VTI1A: variants seen among roughly 807,000 people sequenced by gnomAD.
VTI1A encodes the protein vesicle transport through interaction with t-SNAREs 1A.
VTI1A carries 22 observed loss-of-function variants against 34.9 expected under a neutral mutation model. The observed-to-expected ratio is 0.63, with a 90% CI of 0.45 to 0.90. VTI1A has a LOEUF of 0.90. VTI1A is among the 40% of genes least tolerant of loss of function. VTI1A has a pLI of 0.00. For synonymous variants in VTI1A, 87 were observed against 97.3 expected (o/e 0.89, Z 0.62); for missense variants, 268 against 275.6 (o/e 0.97, Z 0.20).
chr10:112,786,339 G>T (rs192941005), intron 7 of VTI1A, among the ~76,000 whole-genome samples: 3 of 152,044 alleles, frequency 2.0e-5, no homozygotes, highest in East Asian at 1.9e-4. Flanking sequence ...GTATTTTGTC[G>T]ATCTCTTAGG....
chr10:112,776,288 G>C (rs985776996), intron 7 of VTI1A, among the ~76,000 whole-genome samples: 3 of 152,190 alleles, frequency 2.0e-5, no homozygotes, highest in Non-Finnish European at 4.4e-5. Flanking sequence ...TGGAGAATTG[G>C]GGTGGGGTAC....
intron 7 of VTI1A, among the ~76,000 whole-genome samples, chr10:112,746,240 A>G (rs989689291): frequency 1.3e-5 from 2 of 152,226 alleles, no homozygotes; most frequent in Non-Finnish European, 2.9e-5. Flanking sequence ...TTTAGAAACC[A>G]TGTTGCTCCT....
the VTI1A span, among the ~76,000 whole-genome samples, chr10:112,841,181 C>T: frequency 1.3e-5 from 2 of 152,258 alleles, no homozygotes; most frequent in South Asian, 4.1e-4. Context: ...AAAGACACTG[C>T]GGGACTCCTG....
At chr10:112,492,903 G>A (rs775575269) in intron 3 of VTI1A, among the ~76,000 whole-genome samples, 4 of 152,056 alleles carry the variant, frequency 2.6e-5, no homozygotes, top group South Asian at 2.1e-4. Context: ...AACCGTAATC[G>A]AGTTTTATGA....
intron 7 of VTI1A, among the ~76,000 whole-genome samples, chr10:112,704,842 G>A (rs993389684): frequency 3.3e-5 from 5 of 151,866 alleles, no homozygotes; most frequent in Admixed American, 6.6e-5. Context: ...TGGTGTTATG[G>A]ATACCTCTTA....
intron 3 of VTI1A, among the ~76,000 whole-genome samples, chr10:112,468,316 A>G (rs889372584): frequency 4.6e-5 from 7 of 151,592 alleles, no homozygotes; most frequent in South Asian, 2.1e-4. Flanking sequence ...TATTGACATA[A>G]CTCCCTTGTT....
chr10:112,501,602 G>A (rs1451777126), intron 3 of VTI1A, among the ~76,000 whole-genome samples: 1 of 152,118 alleles, frequency 6.6e-6, no homozygotes. Flanking sequence ...AGGACTCTGT[G>A]TAATTTAGCT....
the VTI1A span, among the ~76,000 whole-genome samples, chr10:112,850,767 A>G: frequency 4.6e-5 from 7 of 152,216 alleles, no homozygotes; most frequent in Non-Finnish European, 1.0e-4. Context: ...CCTTTGTTCA[A>G]AAACAACTAA....
intron 7 of VTI1A, among the ~76,000 whole-genome samples, chr10:112,718,231 T>C (rs1164189172): frequency 6.6e-6 from 1 of 152,174 alleles, no homozygotes; most frequent in Non-Finnish European, 1.5e-5. Flanking sequence ...CAGGAGTGAA[T>C]GATTTCAAAT....
At chr10:112,829,362 T>G in the VTI1A span, among the ~76,000 whole-genome samples, 1 of 151,008 alleles carries the variant, frequency 6.6e-6, no homozygotes, top group Non-Finnish European at 1.5e-5. Flanking sequence ...GAGAATGGCA[T>G]GAACCCGGGA....
chr10:112,518,587 C>G (rs201377980), intron 3 of VTI1A, among the ~76,000 whole-genome samples: 4 of 93,680 alleles, frequency 4.3e-5, no homozygotes, highest in Non-Finnish European at 8.3e-5. Context: ...CTCTCTCTCT[C>G]TCTATATATA....
At chr10:112,772,422 GTTT>G (rs149901300) in intron 7 of VTI1A, among the ~76,000 whole-genome samples, 2,658 of 152,252 alleles carry the variant, frequency 0.017, 72 homozygotes, top group African/African-American at 0.059. Context: ...CGTTGTAAGA[GTTT>G]TTTAAGATAG....
chr10:112,784,995 A>G (rs1033491480), intron 7 of VTI1A, among the ~76,000 whole-genome samples: 24 of 152,188 alleles, frequency 1.6e-4, no homozygotes, highest in Admixed American at 1.1e-3. Context: ...TTTTCACATC[A>G]TGGCAAAACT....
At chr10:112,714,717 A>G (rs1302669689) in intron 7 of VTI1A, among the ~76,000 whole-genome samples, 2 of 152,232 alleles carry the variant, frequency 1.3e-5, no homozygotes. Flanking sequence ...ACTAACTCAG[A>G]TGGGTGCCCA....
chr10:112,744,117 G>A (rs747518663), intron 7 of VTI1A, among the ~76,000 whole-genome samples: 1 of 152,086 alleles, frequency 6.6e-6, no homozygotes, highest in South Asian at 2.1e-4. Flanking sequence ...TTCTACTTAC[G>A]GAAATGTCAA....
intron 5 of VTI1A, among the ~76,000 whole-genome samples, chr10:112,654,365 A>G (rs1847147373): frequency 6.6e-6 from 1 of 152,222 alleles, no homozygotes; most frequent in East Asian, 1.9e-4. Flanking sequence ...TTACAGGACA[A>G]TAATTTGAGC....
intron 7 of VTI1A, among the ~76,000 whole-genome samples, chr10:112,707,338 AT>A (rs559339459): frequency 2.7e-5 from 4 of 148,064 alleles, no homozygotes; most frequent in South Asian, 2.2e-4. Context: ...CAGGCTAACT[AT>A]TTTTTTTTTA....
intron 7 of VTI1A, among the ~76,000 whole-genome samples, chr10:112,675,541 T>G (rs901640734): frequency 1.6e-4 from 25 of 152,232 alleles, no homozygotes; most frequent in Non-Finnish European, 3.2e-4. Flanking sequence ...CCCAAGTGAG[T>G]GTGTTCTTAA....
chr10:112,589,947 A>G (rs570576975), intron 5 of VTI1A, among the ~76,000 whole-genome samples: 16 of 152,342 alleles, frequency 1.1e-4, no homozygotes, highest in African/African-American at 3.8e-4. Context: ...TTGATGATTT[A>G]TAGTTTTCTT....
Sources: gnomAD v4.1 joint callset for allele counts (sites outside exome capture counted in the v4.1 genomes callset) on GRCh38, gnomAD v4.1.1 for gene constraint, MANE v1.5 for transcripts, NCBI Gene and HGNC (gene_info 2026-07-23, HGNC 2026-07-21) for gene names.